Variants in YTHDC2 observed in about 807,000 individuals in gnomAD.
The protein encoded by YTHDC2 is 3'-5' RNA helicase YTHDC2.
A neutral mutation model predicts 174.9 loss-of-function variants in YTHDC2; 45 were observed. The ratio of observed to expected loss-of-function variants is 0.26; its 90% CI spans 0.20 to 0.33. YTHDC2 has a LOEUF of 0.33. Among genes scored for constraint, YTHDC2 ranks in the 10% least tolerant of loss-of-function variants. The probability of loss-of-function intolerance (pLI) is 1.00; values close to 1 mark genes in which losing one functional copy is unlikely to be tolerated. For missense variants in YTHDC2, 1,650 were observed against 1,723.7 expected, an observed-to-expected ratio of 0.96 and a Z score of 0.76; for synonymous variants, 657 against 574.5, an observed-to-expected ratio of 1.14 and a Z score of -2.05.
intron 2 of YTHDC2, chr5:113,517,725 A>T (rs144259692): frequency 3.0e-6 from 1 of 331,348 alleles, no homozygotes; most frequent in Non-Finnish European, 6.1e-6. Context: ...ACTTTGTACT[A>T]TATTTTCTTA....
intron 2 of YTHDC2, 66 bp from the exon 3 acceptor site, chr5:113,524,915 G>T: frequency 8.8e-7 from 1 of 1,130,906 alleles, no homozygotes. Context: ...TTTTCTAAGT[G>T]GGCATACATC....
At chr5:113,570,709 G>A (rs1261267894) in intron 23 of YTHDC2, among the ~76,000 whole-genome samples, 2 of 151,896 alleles carry the variant, frequency 1.3e-5, no homozygotes, top group South Asian at 2.1e-4. Flanking sequence ...GGAGTGCAGC[G>A]GTGTGATCTC....
In YTHDC2 at chr5:113,594,899, T is replaced by G. The variant is rs189063679; in HGVS notation, c.*1425T>G. On this transcript the variant is annotated 3_prime_UTR_variant, in exon 30 of 30. Coordinates refer to ENST00000161863, the MANE Select transcript of YTHDC2 (RefSeq NM_022828.5). Reference sequence around the variant, plus strand: ...AGCATTATATAGTGGTGCATTAGTTTAGAAAGTCAGCTATGATTTTGCCTA... The same window carrying G: ...AGCATTATATAGTGGTGCATTAGTTGAGAAAGTCAGCTATGATTTTGCCTA... The G allele has an allele frequency of 2.8e-4, 43 of 152,320 alleles. No individual in the cohort carries two copies. In the East Asian group the frequency reaches 8.3e-3, roughly 29 times the overall value. The allele number at this position is 152,320 out of a possible 1,614,324, so 9.4% of individuals were successfully genotyped here.
chr5:113,582,381 A>G (rs1019813161), intron 25 of YTHDC2: 31 of 152,156 alleles, frequency 2.0e-4, no homozygotes, highest in Non-Finnish European at 1.0e-4. Flanking sequence ...TGTTTATTTT[A>G]TGAATATTAA....
At chr5:113,528,789 A>G (rs897314386) in intron 4 of YTHDC2, among the ~76,000 whole-genome samples, 7 of 152,194 alleles carry the variant, frequency 4.6e-5, no homozygotes, top group African/African-American at 1.7e-4. Flanking sequence ...GATTACAGGC[A>G]TAAGCCACCA....
At chr5:113,558,021 A>G (rs1776728816) in intron 17 of YTHDC2, among the ~76,000 whole-genome samples, 1 of 152,206 alleles carries the variant, frequency 6.6e-6, no homozygotes, top group Non-Finnish European at 1.5e-5. Context: ...ATACAGTGTT[A>G]TTTGTGCTAC....
At chr5:113,529,082 C>G (rs1580494869) in intron 4 of YTHDC2, among the ~76,000 whole-genome samples, 1 of 151,950 alleles carries the variant, frequency 6.6e-6, no homozygotes, top group African/African-American at 2.4e-5. Context: ...ATAGATATGC[C>G]TCATTGTCTA....
intron 19 of YTHDC2, among the ~76,000 whole-genome samples, 181 bp from the exon 20 acceptor site, chr5:113,563,677 GT>G (rs1461724376): frequency 6.6e-6 from 1 of 152,002 alleles, no homozygotes; most frequent in Non-Finnish European, 1.5e-5. Context: ...AAATAATATT[GT>G]CATGTATGAA....
chr5:113,542,574 C>A, intron 10 of YTHDC2, 71 bp downstream of exon 10: 1 of 1,398,354 alleles, frequency 7.2e-7, no homozygotes, highest in Admixed American at 2.6e-5. Flanking sequence ...TAATTCAAAA[C>A]GTATGTACTA....
chr5:113,535,828 A>G, intron 7 of YTHDC2, 30 bp downstream of exon 7: 3 of 1,523,004 alleles, frequency 2.0e-6, no homozygotes, highest in South Asian at 1.2e-5. Context: ...TTCTTCTATA[A>G]TTTTTATGAA....
Position 113,515,345 on chromosome 5 carries a change from G to A in YTHDC2, c.261G>A (p.Leu87=). ...FIHRLSQSLG[L]VSKSKGKGAN... ...ATCGACTCAGTCAGTCTCTTGGTTT[G>A]GTCTCTAAAAGTAAAGGGTAAGCTG... The change falls in exon 2 of 30, where the codon TTG becomes TTA. Residue 87 remains leucine (L), a synonymous_variant. Transcript: ENST00000161863. 2 of 1,611,738 alleles carry A rather than the reference G, an allele frequency of 1.2e-6. No homozygotes were observed. The highest frequency in any genetic ancestry group is 1.7e-6 in the Non-Finnish European group (2 of 1,179,476).
At chr5:113,532,120 A>G (rs11747924) in intron 4 of YTHDC2, among the ~76,000 whole-genome samples, 31,863 of 152,118 alleles carry the variant, frequency 0.21, 3,824 homozygotes, top group Admixed American at 0.34. Context: ...AAATTATAGC[A>G]TATCCATGAG....
chr5:113,580,053 G>C (rs1340568070), intron 24 of YTHDC2: 1 of 428,826 alleles, frequency 2.3e-6, no homozygotes, highest in Non-Finnish European at 3.1e-6. Flanking sequence ...GCCTCCTATA[G>C]AGTGGAGGAA....
chr5:113,592,190 C>CTTTT lies in YTHDC2; in HGVS notation c.4212+12_4212+13insTTTT. ...GCAGGGATGGGCAGGTATACAATGGCATTTTTTTTTTTATTTACTTTTGTT... is the reference window on the plus strand; with the variant it reads ...GCAGGGATGGGCAGGTATACAATGGCTTTTATTTTTTTTTTTATTTACTTTTGTT... On this transcript the variant is annotated intron_variant, in intron 28 of 29. Coordinates refer to ENST00000161863, the MANE Select transcript of YTHDC2 (RefSeq NM_022828.5). 6.8e-7 allele frequency: 1 copy of CTTTT among 1,479,802 alleles called. No individual in the cohort carries two copies. The highest frequency in any genetic ancestry group is 1.3e-5 in the South Asian group (1 of 79,856). 91.7% of individuals were successfully genotyped at this position (1,479,802 alleles called of 1,614,324 possible).
At chr5:113,555,117 A>G (rs757688964) in intron 16 of YTHDC2, among the ~76,000 whole-genome samples, 1 of 152,034 alleles carries the variant, frequency 6.6e-6, no homozygotes, top group Non-Finnish European at 1.5e-5. Context: ...TGGTGAGCCA[A>G]TGAAAATTCA....
chr5:113,579,743 G>C (rs1287067031), intron 24 of YTHDC2, 48 bp downstream of exon 24: 1 of 1,520,240 alleles, frequency 6.6e-7, no homozygotes, highest in East Asian at 2.4e-5. Flanking sequence ...TTCAGTTAGT[G>C]TGAATTGATA....
intron 7 of YTHDC2, among the ~76,000 whole-genome samples, chr5:113,536,714 A>T (rs886262664): frequency 6.6e-6 from 1 of 152,202 alleles, no homozygotes; most frequent in Admixed American, 6.5e-5. Flanking sequence ...ATGCAAATAT[A>T]TACGTATTTA....
chr5:113,565,462 A>C (rs1003822380), intron 20 of YTHDC2, among the ~76,000 whole-genome samples: 5 of 152,204 alleles, frequency 3.3e-5, no homozygotes, highest in African/African-American at 1.2e-4. Flanking sequence ...CTGCATATAG[A>C]TGATTTATAG....
intron 18 of YTHDC2, 35 bp from the exon 19 acceptor site, chr5:113,563,338 A>C: frequency 6.5e-7 from 1 of 1,540,392 alleles, no homozygotes; most frequent in Non-Finnish European, 8.8e-7. Flanking sequence ...TATTCTTTTT[A>C]ATTTTAAAAA....
Sources: gnomAD v4.1 joint callset for allele counts (sites outside exome capture counted in the v4.1 genomes callset) on GRCh38, gnomAD v4.1.1 for gene constraint, MANE v1.5 for transcripts, NCBI Gene and HGNC (gene_info 2026-07-23, HGNC 2026-07-21) for gene names.